The following RFK variants were observed in gnomAD, a reference collection of about 807,000 sequenced individuals.
RFK encodes riboflavin kinase, also known as 0610038L10Rik.
In RFK, 4 loss-of-function variants were observed where a neutral mutation model predicts 17.6. The ratio of observed to expected loss-of-function variants is 0.23; its 90% CI spans 0.11 to 0.52. The LOEUF is 0.52. Among genes scored for constraint, RFK ranks in the 20% least tolerant of loss-of-function variants. RFK has a pLI of 0.96. For synonymous variants in RFK, 59 were observed against 63.8 expected, an observed-to-expected ratio of 0.92 and a Z score of 0.36; for missense variants, 189 against 187.7, an observed-to-expected ratio of 1.01 and a Z score of -0.04.
rs1822739709 is a variant in RFK at position 76,386,850 on chromosome 9, C to T, written c.*549G>A. ...CGCAGGTTTATGATAAACTATCAAC[C>T]TTCTATTTAATGCATTTCCTTTTTT... On this transcript the variant is annotated 3_prime_UTR_variant, in exon 4 of 4. Transcript: ENST00000376736. The T allele has an allele frequency of 6.6e-6, 1 of 151,996 alleles. No individual in the cohort carries two copies. The highest frequency in any genetic ancestry group is 2.1e-4 in the South Asian group (1 of 4,826). The allele number at this position is 151,996 out of a possible 1,614,324, so 9.4% of individuals were successfully genotyped here. A position where few individuals can be genotyped will look rare whatever the true frequency, so the allele number is the denominator to read the frequency against.
At chr9:76,390,082 G>C (rs910604379) in intron 2 of RFK, among the ~76,000 whole-genome samples, 82 of 152,214 alleles carry the variant, frequency 5.4e-4, no homozygotes, top group African/African-American at 1.9e-3. Flanking sequence ...ACACATATAA[G>C]GTCACTTGAT....
At chr9:76,388,148 C>A (rs889134846) in intron 3 of RFK, 1 of 399,164 alleles carries the variant, frequency 2.5e-6, no homozygotes, top group African/African-American at 2.1e-5. Context: ...AACTTTATAA[C>A]AGAGTTAAAA....
intron 2 of RFK, among the ~76,000 whole-genome samples, chr9:76,390,498 T>C (rs72745150): frequency 0.12 from 18,344 of 151,914 alleles, 1,159 homozygotes; most frequent in East Asian, 0.2. Flanking sequence ...ATCTCATCTC[T>C]ATAAAAAAAT....
chr9:76,391,688 A>C (rs1047957335), intron 2 of RFK, among the ~76,000 whole-genome samples: 1 of 152,176 alleles, frequency 6.6e-6, no homozygotes, highest in African/African-American at 2.4e-5. Context: ...TCCACTCTTT[A>C]TTTTCTACAT....
chr9:76,387,610 A>AAAC, intron 3 of RFK, 81 bp from the exon 4 acceptor site: 1 of 1,377,250 alleles, frequency 7.3e-7, no homozygotes. Flanking sequence ...GCCAATCCTA[A>AAAC]AAACTCACAG....
At chr9:76,390,687 CTG>C (rs1384804413) in intron 2 of RFK, among the ~76,000 whole-genome samples, 4 of 138,008 alleles carry the variant, frequency 2.9e-5, no homozygotes, top group African/African-American at 1.1e-4. Context: ...AAACAAAACT[CTG>C]TTCTTCAACA....
intron 3 of RFK, 67 bp downstream of exon 3, chr9:76,388,487 G>T: frequency 1.1e-6 from 1 of 903,678 alleles, no homozygotes. Context: ...CATTATTACT[G>T]GTAGTAGTGG....
At chr9:76,392,644 T>C (rs1822833035) in intron 1 of RFK, 75 bp from the exon 2 acceptor site, 1 of 1,444,130 alleles carries the variant, frequency 6.9e-7, no homozygotes, top group African/African-American at 1.4e-5. Flanking sequence ...CAGTGGCTCA[T>C]GTCTGTAATT....
At chr9:76,391,090 G>A (rs1822814393) in intron 2 of RFK, among the ~76,000 whole-genome samples, 1 of 152,004 alleles carries the variant, frequency 6.6e-6, no homozygotes, top group Non-Finnish European at 1.5e-5. Flanking sequence ...TCAACAGAAT[G>A]GTATTTTGTG....
intron 3 of RFK, chr9:76,388,233 AC>A (rs1424563098): frequency 4.0e-6 from 2 of 495,614 alleles, no homozygotes; most frequent in Non-Finnish European, 7.9e-6. Flanking sequence ...CAAACTTCAC[AC>A]ATTTTGAAAG....
rs916733186 is a variant in RFK at position 76,386,134 on chromosome 9, T to C, written c.*1265A>G. 2.0e-5 allele frequency: 3 copies of C among 152,200 alleles called. No homozygotes were observed. The highest frequency in any genetic ancestry group is 7.2e-5 in the African/African-American group (3 of 41,452). The allele number at this position is 152,200 out of a possible 1,614,324, so 9.4% of individuals were successfully genotyped here. A position where few individuals can be genotyped will look rare whatever the true frequency, so the allele number is the denominator to read the frequency against. On this transcript the variant is annotated 3_prime_UTR_variant, in exon 4 of 4. Coordinates refer to ENST00000376736, the MANE Select transcript of RFK (RefSeq NM_018339.6). ...CCAAATCTGTTGCTACAGTGAACTG[T>C]AGCAATGTACTGTTTGAGGGGGCCC... is the stretch of plus-strand genomic sequence containing the variant.
At chr9:76,393,143 G>A (rs1238594450) in intron 1 of RFK, among the ~76,000 whole-genome samples, 1 of 151,774 alleles carries the variant, frequency 6.6e-6, no homozygotes, top group Non-Finnish European at 1.5e-5. Context: ...AAGTACCAGA[G>A]TAGATGGATT....
chr9:76,387,275 G>A lies in RFK; in HGVS notation c.*124C>T, dbSNP rs921349362. 5.2e-5 allele frequency: 46 copies of A among 878,106 alleles called. No homozygotes were observed. Among genetic ancestry groups the A allele is most frequent in the Non-Finnish European group, 7.6e-5 (43 of 565,366 alleles). 54.4% of individuals were successfully genotyped at this position (878,106 alleles called of 1,614,324 possible). A position where few individuals can be genotyped will look rare whatever the true frequency, so the allele number is the denominator to read the frequency against. On this transcript the variant is annotated 3_prime_UTR_variant, in exon 4 of 4. Transcript: ENST00000376736. ...CATGATATGATAACAACATTGTACG[G>A]TTTAAACTAATTCACAACTGTAGTA...
Position 76,394,320 on chromosome 9 carries a change from G to C in RFK, c.-149C>G, listed in dbSNP as rs11548952. 1.7e-3 allele frequency: 1,115 copies of C among 672,004 alleles called. 8 individuals are homozygous for C. Among genetic ancestry groups the C allele is most frequent in the South Asian group, 3.8e-3 (177 of 46,546 alleles). 41.6% of individuals were successfully genotyped at this position (672,004 alleles called of 1,614,324 possible). A position where few individuals can be genotyped will look rare whatever the true frequency, so the allele number is the denominator to read the frequency against. The stretch of plus-strand genomic sequence containing the variant: ...GGCGCACCAGTGGCCGGACGACGCC[G>C]ACCACAGGCCACTGCGAATCCCTGA... On this transcript the variant is annotated 5_prime_UTR_variant, in exon 1 of 4. Transcript: ENST00000376736.
chr9:76,390,929 T>C (rs1305692008), intron 2 of RFK, among the ~76,000 whole-genome samples: 1 of 152,098 alleles, frequency 6.6e-6, no homozygotes, highest in Non-Finnish European at 1.5e-5. Context: ...AATTTTCCAC[T>C]GGTAAGATAT....
At chr9:76,392,970 A>C (rs1822836435) in intron 1 of RFK, among the ~76,000 whole-genome samples, 1 of 152,238 alleles carries the variant, frequency 6.6e-6, no homozygotes, top group Middle Eastern at 3.2e-3. Context: ...CATTACATTC[A>C]CAAGACTCCT....
At chr9:76,390,886 ATG>A (rs1822811944) in intron 2 of RFK, among the ~76,000 whole-genome samples, 1 of 151,734 alleles carries the variant, frequency 6.6e-6, no homozygotes, top group African/African-American at 2.4e-5. Flanking sequence ...CACTTCACAG[ATG>A]TGTGTTACTG....
chr9:76,393,408 T>C (rs1265431127), intron 1 of RFK, among the ~76,000 whole-genome samples: 1 of 152,102 alleles, frequency 6.6e-6, no homozygotes, highest in Non-Finnish European at 1.5e-5. Context: ...GGTTTTACCA[T>C]GTTGGCCAGG....
chr9:76,390,711 A>AG (rs1822807525), intron 2 of RFK, among the ~76,000 whole-genome samples: 1 of 106,132 alleles, frequency 9.4e-6, no homozygotes, highest in South Asian at 3.4e-4. Flanking sequence ...ACCATTGAGA[A>AG]AAAAAAAAAA....
Sources: allele counts gnomAD v4.1 joint callset (sites outside exome capture counted in the v4.1 genomes callset), GRCh38; gene constraint gnomAD v4.1.1; transcripts MANE v1.5; gene names NCBI Gene and HGNC (gene_info 2026-07-23, HGNC 2026-07-21).